Variants in USP50 observed in about 807,000 individuals in gnomAD.
USP50 encodes ubiquitin specific peptidase 50.
USP50 carries 37 observed loss-of-function variants against 39.2 expected under a neutral mutation model. The ratio of observed to expected loss-of-function variants is 0.94; its 90% CI spans 0.73 to 1.24. USP50 has a LOEUF of 1.24. Ranked by LOEUF, USP50 falls within the 50% of genes most tolerant of loss-of-function variation. The pLI, the probability that USP50 is intolerant of heterozygous loss-of-function variation, is 0.00. For missense variants in USP50, 374 were observed against 398.2 expected (o/e 0.94, Z 0.52); for synonymous variants, 139 against 144.5 (o/e 0.96, Z 0.27).
intron 4 of USP50, 122 bp downstream of exon 4, chr15:50,540,925 ATT>A: frequency 1.4e-6 from 1 of 730,206 alleles, no homozygotes; most frequent in Non-Finnish European, 2.2e-6. Flanking sequence ...CACTCAGTCT[ATT>A]TTTTTTTAAA....
intron 6 of USP50, among the ~76,000 whole-genome samples, chr15:50,522,311 G>A (rs2052856963): frequency 6.6e-6 from 1 of 152,142 alleles, no homozygotes; most frequent in Non-Finnish European, 1.5e-5. Flanking sequence ...TGTAGTCCCA[G>A]CTACTAGGGA....
chr15:50,535,439 G>C (rs1434986959), intron 5 of USP50, among the ~76,000 whole-genome samples: 1 of 152,174 alleles, frequency 6.6e-6, no homozygotes, highest in Non-Finnish European at 1.5e-5. Context: ...CTGGCCTAAG[G>C]TGTGCTTGTT....
intron 3 of USP50, among the ~76,000 whole-genome samples, chr15:50,542,664 T>G (rs1413125109): frequency 6.6e-6 from 1 of 151,814 alleles, no homozygotes; most frequent in African/African-American, 2.4e-5. Flanking sequence ...GATTTTTGTA[T>G]TTTTAGTAGA....
At chr15:50,495,372 G>T (rs562398066) in intron 1 of USP50, among the ~76,000 whole-genome samples, 2 of 150,752 alleles carry the variant, frequency 1.3e-5, no homozygotes, top group East Asian at 3.9e-4. Context: ...AGAGAGAGAG[G>T]CTAGGGCAAC....
chr15:50,494,611 TTATGTTTATATAA>T (rs1181738208), intron 1 of USP50, among the ~76,000 whole-genome samples: 7 of 152,244 alleles, frequency 4.6e-5, no homozygotes, highest in Non-Finnish European at 1.0e-4. Flanking sequence ...TTATTGTATG[TTATGTTTATATAA>T]TATGTATATG....
chr15:50,494,010 T>C (rs1006354709), downstream of USP50: 28 of 1,561,466 alleles, frequency 1.8e-5, no homozygotes, highest in Non-Finnish European at 2.3e-5. Context: ...GAATCTACTG[T>C]ACCTTGCTTA....
At chr15:50,542,781 G>A (rs910743989) in intron 3 of USP50, among the ~76,000 whole-genome samples, 2 of 152,078 alleles carry the variant, frequency 1.3e-5, no homozygotes, top group Admixed American at 6.6e-5. Flanking sequence ...GAACCACAGC[G>A]CCTGGCCATG....
At chr15:50,535,682 G>T (rs1246185201) in intron 5 of USP50, among the ~76,000 whole-genome samples, 4 of 152,176 alleles carry the variant, frequency 2.6e-5, no homozygotes, top group Admixed American at 1.3e-4. Flanking sequence ...GGGAAGCCAA[G>T]GTGGGAGAAT....
At chr15:50,541,683 G>A (rs1045504200) in intron 3 of USP50, among the ~76,000 whole-genome samples, 2 of 152,058 alleles carry the variant, frequency 1.3e-5, no homozygotes, top group African/African-American at 2.4e-5. Context: ...CCCGTTAGAT[G>A]AAACAGAGGA....
intron 6 of USP50, among the ~76,000 whole-genome samples, chr15:50,525,540 A>ATATGTATATATG (rs1555395181): frequency 7.1e-5 from 6 of 84,202 alleles, no homozygotes; most frequent in African/African-American, 1.9e-4. Context: ...ATGTATATGT[A>ATATGTATATATG]TATATGTATA....
chr15:50,511,994 T>A (rs2052744634), intron 6 of USP50: 1 of 151,970 alleles, frequency 6.6e-6, no homozygotes, highest in Admixed American at 6.6e-5. Flanking sequence ...AGATATTGTC[T>A]CAAAAAATAA....
rs58329541 is a variant in USP50, at chr15:50,506,957, C to CAAAAAAAAAAA, written c.937-6131_937-6121dup. ...TGGGCGACAGAGCGAGACTTCATCT[C>CAAAAAAAAAAA]AAAAAAAAAAAAAAAAAAAAAAAAA... On this transcript the variant is annotated intron_variant, in intron 6 of 6. Coordinates refer to ENST00000532404, the MANE Select transcript of USP50 (RefSeq NM_203494.5). The CAAAAAAAAAAA allele has an allele frequency of 5.8e-4, 27 of 46,226 alleles. 1 individual carries two copies. Among genetic ancestry groups the CAAAAAAAAAAA allele is most frequent in the African/African-American group, 2.5e-3 (26 of 10,550 alleles). The allele number at this position is 46,226 out of a possible 1,614,324, so 2.9% of individuals were successfully genotyped here. A position where few individuals can be genotyped will look rare whatever the true frequency, so the allele number is the denominator to read the frequency against.
At chr15:50,497,010 T>A, downstream of USP50, 1 of 1,507,542 alleles carries the variant, frequency 6.6e-7, no homozygotes, top group Non-Finnish European at 8.9e-7. Flanking sequence ...GCCTGCAGAG[T>A]GACTAACTAA....
At position 50,546,379 on chromosome 15, in the gene USP50, C is replaced by T. The variant is rs2053071061; in HGVS notation, c.53+94G>A. 5.2e-6 allele frequency: 7 copies of T among 1,357,718 alleles called. No individual in the cohort carries two copies. In the South Asian group the frequency reaches 8.3e-5, roughly 16 times the overall value. 84.1% of individuals were successfully genotyped at this position (1,357,718 alleles called of 1,614,324 possible). ...CTTCCATGGGTCACACCTGGGAGAA[C>T]CCTCCTGAATGCAGTGTGTGTCCCC... On this transcript the variant is annotated intron_variant, in intron 1 of 6. Coordinates refer to ENST00000532404, the MANE Select transcript of USP50 (RefSeq NM_203494.5).
At chr15:50,541,906 A>C (rs563629771) in intron 3 of USP50, among the ~76,000 whole-genome samples, 2 of 152,098 alleles carry the variant, frequency 1.3e-5, no homozygotes, top group East Asian at 3.9e-4. Flanking sequence ...AACTTCTAGA[A>C]AACACTTTTT....
downstream of USP50, chr15:50,498,552 G>C: frequency 1.9e-6 from 3 of 1,548,344 alleles, no homozygotes; most frequent in Non-Finnish European, 2.6e-6. Context: ...GATTCATCCT[G>C]GTATCTTCCT....
Position 50,525,464 on chromosome 15 carries a change from TTGTG to T in USP50, c.936+4329_936+4332del, listed in dbSNP as rs1555395164. ...TAGCTTGATTTAATCATTCCACATT[TTGTG>T]TGTGTGTGTGTGTATATATATGTAT... On this transcript the variant is annotated intron_variant, in intron 6 of 6. Coordinates refer to ENST00000532404, the MANE Select transcript of USP50 (RefSeq NM_203494.5). Among the ~76,000 whole-genome samples the T allele has an allele frequency of 2.3e-4, 22 of 95,226 alleles. No individual in the cohort carries two copies. The East Asian group carries it at 4.6e-3, about 20-fold the overall frequency. The allele number at this position is 95,226 out of a possible 152,430, so 62.5% of individuals were successfully genotyped here.
Position 50,500,651 on chromosome 15 carries a change from GC to G in USP50, c.*117del. 1.1e-6 allele frequency: 1 copy of G among 945,940 alleles called. No homozygotes were observed. The highest frequency in any genetic ancestry group is 1.6e-6 in the Non-Finnish European group (1 of 616,942). The allele number at this position is 945,940 out of a possible 1,614,324, so 58.6% of individuals were successfully genotyped here. A position where few individuals can be genotyped will look rare whatever the true frequency, so the allele number is the denominator to read the frequency against. The stretch of plus-strand genomic sequence containing the variant: ...GTGTTCAGGAAACACCATTTTCCTG[GC>G]TCTTAACGCTTTTGTATTGGTATGG... On this transcript the variant is annotated 3_prime_UTR_variant, in exon 7 of 7. Coordinates refer to ENST00000532404, the MANE Select transcript of USP50 (RefSeq NM_203494.5).
intron 5 of USP50, among the ~76,000 whole-genome samples, chr15:50,530,991 C>T (rs1052118102): frequency 6.6e-6 from 1 of 151,954 alleles, no homozygotes; most frequent in Non-Finnish European, 1.5e-5. Flanking sequence ...AAATCTTTCA[C>T]ATTCTGTATT....
Sources: allele counts gnomAD v4.1 joint callset (sites outside exome capture counted in the v4.1 genomes callset), GRCh38; gene constraint gnomAD v4.1.1; transcripts MANE v1.5; gene names NCBI Gene and HGNC (gene_info 2026-07-23, HGNC 2026-07-21).